Variants in ALK observed in about 807,000 individuals in gnomAD.
The protein encoded by ALK is ALK tyrosine kinase receptor.
A neutral mutation model predicts 163.1 loss-of-function variants in ALK; 74 were observed. That is an observed-to-expected ratio of 0.45 (90% CI 0.38 to 0.55). ALK has a LOEUF of 0.55. Ranked by LOEUF, ALK falls within the 20% of genes least tolerant of loss-of-function variation. The pLI is 0.00. For synonymous variants in ALK, 960 were observed against 843.2 expected (o/e 1.14, Z -2.40); for missense variants, 2,063 against 2,105.3 (o/e 0.98, Z 0.39).
At chr2:29,904,006 G>T (rs1057274315) in intron 1 of ALK, among the ~76,000 whole-genome samples, 1 of 152,106 alleles carries the variant, frequency 6.6e-6, no homozygotes, top group Non-Finnish European at 1.5e-5. Context: ...TAGGTGATTT[G>T]CCCAGATTAA....
intron 1 of ALK, among the ~76,000 whole-genome samples, chr2:29,914,634 C>G (rs1016107109): frequency 2.0e-5 from 3 of 152,212 alleles, no homozygotes; most frequent in African/African-American, 7.2e-5. Context: ...CATTTAGGAA[C>G]ATTTAAGAAC....
intron 3 of ALK, among the ~76,000 whole-genome samples, chr2:29,571,472 G>A (rs959777997): frequency 6.6e-6 from 1 of 152,072 alleles, no homozygotes; most frequent in Non-Finnish European, 1.5e-5. Context: ...CCCTGCTATT[G>A]TGAAGAACAT....
chr2:29,686,155 A>G (rs1678233758), intron 3 of ALK, among the ~76,000 whole-genome samples: 1 of 152,188 alleles, frequency 6.6e-6, no homozygotes, highest in Non-Finnish European at 1.5e-5. Flanking sequence ...GGCTGGAGGA[A>G]GCATTAATTT....
At chr2:29,615,490 C>T (rs111964473) in intron 3 of ALK, among the ~76,000 whole-genome samples, 319 of 152,254 alleles carry the variant, frequency 2.1e-3, no homozygotes, top group African/African-American at 7.0e-3. Flanking sequence ...ATAGCACTAA[C>T]GCATTTATTC....
intron 3 of ALK, among the ~76,000 whole-genome samples, chr2:29,549,156 A>ACG (rs1673649006): frequency 6.6e-6 from 1 of 151,536 alleles, no homozygotes. Flanking sequence ...ACACACACAC[A>ACG]CACACGCACA....
intron 1 of ALK, among the ~76,000 whole-genome samples, chr2:29,832,936 A>G (rs887683858): frequency 1.3e-5 from 2 of 152,206 alleles, no homozygotes; most frequent in South Asian, 2.1e-4. Flanking sequence ...GCTGGGCTCT[A>G]AAGTATGTGT....
chr2:29,850,555 C>A (rs964137822), intron 1 of ALK, among the ~76,000 whole-genome samples: 1 of 152,192 alleles, frequency 6.6e-6, no homozygotes, highest in Non-Finnish European at 1.5e-5. Context: ...TCATTGGCAA[C>A]TGCAGAAAAA....
intron 1 of ALK, among the ~76,000 whole-genome samples, chr2:29,820,461 T>C (rs1221638646): frequency 6.6e-6 from 1 of 152,224 alleles, no homozygotes; most frequent in Non-Finnish European, 1.5e-5. Context: ...ATGTCACAGA[T>C]GTTGCTGTAT....
intron 8 of ALK, among the ~76,000 whole-genome samples, chr2:29,317,545 A>G (rs1023282757): frequency 6.6e-6 from 1 of 152,238 alleles, no homozygotes; most frequent in Non-Finnish European, 1.5e-5. Context: ...ATGCTCTTCC[A>G]AGCCCTTTGG....
intron 3 of ALK, among the ~76,000 whole-genome samples, chr2:29,581,251 G>T (rs1399730279): frequency 6.6e-6 from 1 of 152,158 alleles, no homozygotes; most frequent in Non-Finnish European, 1.5e-5. Context: ...AGCTTGGTGT[G>T]GTGACACGCG....
chr2:29,412,456 T>C (rs1669747678), intron 4 of ALK, among the ~76,000 whole-genome samples: 1 of 152,170 alleles, frequency 6.6e-6, no homozygotes, highest in Non-Finnish European at 1.5e-5. Flanking sequence ...CAAGCAAAAC[T>C]GTTGTCCTGT....
intron 4 of ALK, among the ~76,000 whole-genome samples, chr2:29,444,599 T>C (rs1420701456): frequency 1.3e-5 from 2 of 152,232 alleles, no homozygotes; most frequent in Non-Finnish European, 2.9e-5. Context: ...TTAAAAATTC[T>C]GTTTTACAAT....
At chr2:29,488,760 T>C (rs1340090959) in intron 4 of ALK, among the ~76,000 whole-genome samples, 2 of 152,196 alleles carry the variant, frequency 1.3e-5, no homozygotes, top group Non-Finnish European at 2.9e-5. Context: ...GAAGTGGGAA[T>C]ACCAGGTAGG....
chr2:29,766,128 A>C (rs1165146470), intron 1 of ALK, among the ~76,000 whole-genome samples: 1 of 152,228 alleles, frequency 6.6e-6, no homozygotes, highest in Non-Finnish European at 1.5e-5. Context: ...ACTCAACAGA[A>C]TCCACATAAA....
At chr2:29,296,185 G>T (rs971920207) in intron 9 of ALK, among the ~76,000 whole-genome samples, 2 of 152,212 alleles carry the variant, frequency 1.3e-5, no homozygotes, top group African/African-American at 4.8e-5. Context: ...GCCCAAAGAA[G>T]TCAAGGATGT....
At chr2:29,545,607 GC>G (rs1031692968) in intron 3 of ALK, among the ~76,000 whole-genome samples, 5 of 152,148 alleles carry the variant, frequency 3.3e-5, no homozygotes, top group Admixed American at 2.0e-4. Flanking sequence ...GCAGAGCTGA[GC>G]CATGTGGGCA....
intron 5 of ALK, among the ~76,000 whole-genome samples, chr2:29,381,141 A>G (rs148287026): frequency 1.2e-3 from 178 of 152,374 alleles, no homozygotes; most frequent in African/African-American, 4.0e-3. Flanking sequence ...TCTACTTTTC[A>G]CTAACTGAAT....
At position 29,920,989 on chromosome 2, in the gene ALK, T is replaced by A. The variant is rs1053002970; in HGVS notation, c.-330A>T. 21 of 364,218 alleles carry A rather than the reference T, an allele frequency of 5.8e-5. No individual in the cohort carries two copies. Among genetic ancestry groups the A allele is most frequent in the African/African-American group, 4.1e-4 (20 of 48,470 alleles). 22.6% of individuals were successfully genotyped at this position (364,218 alleles called of 1,614,324 possible). A position where few individuals can be genotyped will look rare whatever the true frequency, so the allele number is the denominator to read the frequency against. On this transcript the variant is annotated 5_prime_UTR_variant, in exon 1 of 29. Transcript: ENST00000389048. Reference sequence around the variant, plus strand: ...CTCGCTGCGCTCGGTACAGAGGAACTACTATGGTTGAAGGGAGGTGGCAGT... The same window carrying A: ...CTCGCTGCGCTCGGTACAGAGGAACAACTATGGTTGAAGGGAGGTGGCAGT...
At chr2:29,496,153 C>A (rs1672015262) in intron 4 of ALK, among the ~76,000 whole-genome samples, 1 of 152,118 alleles carries the variant, frequency 6.6e-6, no homozygotes, top group African/African-American at 2.4e-5. Context: ...CTGTAATGTT[C>A]TTTATAAAAT....
Sources: allele counts gnomAD v4.1 joint callset (sites outside exome capture counted in the v4.1 genomes callset), GRCh38; gene constraint gnomAD v4.1.1; transcripts MANE v1.5; gene names NCBI Gene and HGNC (gene_info 2026-07-23, HGNC 2026-07-21).